Variants in ATP6V1B2 observed in about 807,000 individuals in gnomAD.
ATP6V1B2 encodes the protein V-type proton ATPase subunit B, brain isoform.
A neutral mutation model predicts 66.7 loss-of-function variants in ATP6V1B2; 23 were observed. The observed-to-expected ratio is 0.34, with a 90% CI of 0.25 to 0.49. The LOEUF is 0.49. ATP6V1B2 is among the 20% of genes least tolerant of loss of function. The pLI, the probability that ATP6V1B2 is intolerant of heterozygous loss-of-function variation, is 0.99. For missense variants in ATP6V1B2, 478 were observed against 650.8 expected, an observed-to-expected ratio of 0.73 and a Z score of 2.89; for synonymous variants, 278 against 236.7, an observed-to-expected ratio of 1.17 and a Z score of -1.60.
At chr8:20,217,404 A>G in intron 12 of ATP6V1B2, 80 bp downstream of exon 12, 1 of 1,235,270 alleles carries the variant, frequency 8.1e-7, no homozygotes, top group Non-Finnish European at 1.2e-6. Flanking sequence ...TTTCACCCTT[A>G]CCACTTCTCT....
chr8:20,211,736 G>C lies in ATP6V1B2; in HGVS notation c.688G>C (p.Val230Leu). 1 of 1,607,998 alleles carries C rather than the reference G, an allele frequency of 6.2e-7. No individual in the cohort carries two copies. Among genetic ancestry groups the C allele is most frequent in the Non-Finnish European group, 8.5e-7 (1 of 1,178,502 alleles). The change falls in exon 7 of 14, where the codon GTA becomes CTA. Residue 230 changes from valine (V) to leucine (L), a missense_variant. Physicochemically the swap from Val to Leu is conservative, Grantham distance 32. Around this residue, in one of 2 missense-constraint regions of ATP6V1B2, gnomAD observed 326 missense variants for 545.6 expected, o/e 0.60. Coordinates refer to ENST00000276390, the MANE Select transcript of ATP6V1B2 (RefSeq NM_001693.4). ...CTACAGTGAGGAAAATTTTGCAATTGTATTTGCTGCTATGGGTGTAAGTAG... is the reference window on the plus strand; with the variant it reads ...CTACAGTGAGGAAAATTTTGCAATTCTATTTGCTGCTATGGGTGTAAGTAG... ...VDYSEENFAI[V>L]FAAMGVNMET...
chr8:20,218,525 C>T (rs982755228), intron 13 of ATP6V1B2, among the ~76,000 whole-genome samples: 1 of 152,104 alleles, frequency 6.6e-6, no homozygotes. Context: ...CTTCCATCGC[C>T]CTTCTGAATC....
chr8:20,216,901 G>C (rs552218378), intron 11 of ATP6V1B2: 16 of 295,160 alleles, frequency 5.4e-5, no homozygotes, highest in Non-Finnish European at 1.0e-4. Context: ...TTTTGAGTCA[G>C]TTCAGAAGAC....
intron 1 of ATP6V1B2, among the ~76,000 whole-genome samples, chr8:20,200,268 A>G (rs1006937464): frequency 2.0e-5 from 3 of 151,816 alleles, no homozygotes; most frequent in African/African-American, 4.8e-5. Context: ...TCCGCCCGCC[A>G]TGGCCTCTCA....
At chr8:20,197,807 C>A (rs1465922688) in intron 1 of ATP6V1B2, among the ~76,000 whole-genome samples, 2 of 152,196 alleles carry the variant, frequency 1.3e-5, no homozygotes, top group African/African-American at 4.8e-5. Flanking sequence ...CCTCCCCTCC[C>A]CAGCTTCCCT....
intron 2 of ATP6V1B2, among the ~76,000 whole-genome samples, chr8:20,206,580 G>A (rs1017827265): frequency 1.3e-5 from 2 of 152,178 alleles, no homozygotes; most frequent in African/African-American, 4.8e-5. Context: ...ATAGCCAGCT[G>A]AAGAGATGAT....
chr8:20,214,802 C>T lies in ATP6V1B2; in HGVS notation c.928-16C>T. 1 of 1,605,686 alleles carries T rather than the reference C, an allele frequency of 6.2e-7. No individual in the cohort carries two copies. Among genetic ancestry groups the T allele is most frequent in the African/African-American group, 1.3e-5 (1 of 74,762 alleles). The stretch of plus-strand genomic sequence containing the variant: ...TAATATCGTGCATGATACTCTTCTG[C>T]TTGACCTGCTGTCAGGTTTCAGCAG... On this transcript the variant is annotated splice_polypyrimidine_tract_variant and intron_variant, in intron 9 of 13. Coordinates refer to ENST00000276390, the MANE Select transcript of ATP6V1B2 (RefSeq NM_001693.4).
chr8:20,203,966 A>T lies in ATP6V1B2; in HGVS notation c.137-518A>T, dbSNP rs17092154. Reference sequence around the variant, plus strand: ...TGGCTTTTTACCTTGCAGGCTATACAATTTCTCCAATTTCCTTTGTGACTT... The same window carrying T: ...TGGCTTTTTACCTTGCAGGCTATACTATTTCTCCAATTTCCTTTGTGACTT... On this transcript the variant is annotated intron_variant, in intron 1 of 13. Transcript: ENST00000276390. 3 of 455,604 alleles carry T rather than the reference A, an allele frequency of 6.6e-6. 1 individual carries two copies. The highest frequency in any genetic ancestry group is 4.7e-5 in the South Asian group (3 of 64,408). The allele number at this position is 455,604 out of a possible 1,614,324, so 28.2% of individuals were successfully genotyped here. A position where few individuals can be genotyped will look rare whatever the true frequency, so the allele number is the denominator to read the frequency against.
At chr8:20,199,604 GTTTTTT>G (rs11356003) in intron 1 of ATP6V1B2, among the ~76,000 whole-genome samples, 4 of 87,590 alleles carry the variant, frequency 4.6e-5, no homozygotes, top group African/African-American at 1.9e-4. Context: ...ATTTTTGTGG[GTTTTTT>G]TTTTTTTTTT....
At chr8:20,198,558 T>G (rs1323463312) in intron 1 of ATP6V1B2, among the ~76,000 whole-genome samples, 1 of 152,300 alleles carries the variant, frequency 6.6e-6, no homozygotes, top group African/African-American at 2.4e-5. Context: ...GCCCTCGAAA[T>G]AGACTTTTTA....
At chr8:20,211,529 G>A (rs1304504518) in intron 6 of ATP6V1B2, 123 bp from the exon 7 acceptor site, 1 of 1,272,960 alleles carries the variant, frequency 7.9e-7, no homozygotes, top group East Asian at 2.5e-5. Flanking sequence ...TTTGTTGAAT[G>A]AATACCCTAA....
intron 13 of ATP6V1B2, 123 bp from the exon 14 acceptor site, chr8:20,220,140 A>G: frequency 9.6e-7 from 1 of 1,038,356 alleles, no homozygotes. Context: ...TAGTCTTGGG[A>G]GTCCCAACTT....
At chr8:20,202,853 A>G (rs955299524) in intron 1 of ATP6V1B2, among the ~76,000 whole-genome samples, 1 of 152,202 alleles carries the variant, frequency 6.6e-6, no homozygotes, top group African/African-American at 2.4e-5. Flanking sequence ...GCTGTTTGGT[A>G]AAGGTTTTGG....
intron 2 of ATP6V1B2, among the ~76,000 whole-genome samples, chr8:20,206,209 A>C (rs1364638049): frequency 6.6e-6 from 1 of 152,190 alleles, no homozygotes; most frequent in African/African-American, 2.4e-5. Context: ...TTCTGACACC[A>C]GATGTGTGTG....
chr8:20,213,812 T>G (rs1419206778), intron 9 of ATP6V1B2: 2 of 152,212 alleles, frequency 1.3e-5, no homozygotes, highest in African/African-American at 4.8e-5. Flanking sequence ...TATCTTACTC[T>G]GCTATATTGC....
At position 20,211,160 on chromosome 8, in the gene ATP6V1B2, T is replaced by G. The variant is rs112463584; in HGVS notation, c.464-17T>G. On this transcript the variant is annotated splice_polypyrimidine_tract_variant and intron_variant, in intron 5 of 13. Transcript: ENST00000276390. ...TGCGGCAACTTGTTGAAATTTTCCT[T>G]TTTGGAAATACATTAGGTCAGCCAA... 1,317 of 1,597,630 alleles carry G rather than the reference T, an allele frequency of 8.2e-4. 14 individuals are homozygous for G. In the African/African-American group the frequency reaches 0.016, roughly 19 times the overall value.
chr8:20,205,722 A>T (rs904237575), intron 2 of ATP6V1B2, among the ~76,000 whole-genome samples: 4 of 152,248 alleles, frequency 2.6e-5, no homozygotes, highest in Admixed American at 2.0e-4. Context: ...TCAGAATAGA[A>T]GAAGATGAAG....
At chr8:20,217,075 A>G (rs2072861996) in intron 11 of ATP6V1B2, 145 bp from the exon 12 acceptor site, 1 of 657,730 alleles carries the variant, frequency 1.5e-6, no homozygotes, top group Non-Finnish European at 2.6e-6. Context: ...TGCCAGGAAG[A>G]GACAGTAGGA....
Position 20,197,390 on chromosome 8 carries a change from G to A in ATP6V1B2, c.-17G>A. On this transcript the variant is annotated 5_prime_UTR_variant, in exon 1 of 14. Coordinates refer to ENST00000276390, the MANE Select transcript of ATP6V1B2 (RefSeq NM_001693.4). ...GCGCGGCGTCGCTGCTGGGCCAGTC[G>A]GGACAGAGGAGACAAGATGGCGCTG... 1.3e-6 allele frequency: 2 copies of A among 1,506,140 alleles called. No individual in the cohort carries two copies. Among genetic ancestry groups the A allele is most frequent in the Non-Finnish European group, 1.8e-6 (2 of 1,126,866 alleles). The allele number at this position is 1,506,140 out of a possible 1,614,324, so 93.3% of individuals were successfully genotyped here. A position where few individuals can be genotyped will look rare whatever the true frequency, so the allele number is the denominator to read the frequency against.
Sources: allele counts gnomAD v4.1 joint callset (sites outside exome capture counted in the v4.1 genomes callset), GRCh38; gene constraint gnomAD v4.1.1; regional missense constraint gnomAD v4.1.1; transcripts MANE v1.5; gene names NCBI Gene and HGNC (gene_info 2026-07-23, HGNC 2026-07-21).